The following TAOK1 variants were observed in gnomAD, a reference collection of about 807,000 sequenced individuals.
TAOK1 encodes serine/threonine-protein kinase TAO1.
A neutral mutation model predicts 138.3 loss-of-function variants in TAOK1; 21 were observed. The ratio of observed to expected loss-of-function variants is 0.15; its 90% CI spans 0.11 to 0.22. TAOK1 has a LOEUF of 0.22. Among genes scored for constraint, TAOK1 ranks in the 10% least tolerant of loss-of-function variants. The pLI is 1.00. For synonymous variants in TAOK1, 361 were observed against 398.4 expected (o/e 0.91, Z 1.12); for missense variants, 651 against 1,227.7 (o/e 0.53, Z 7.02).
At chr17:29,411,034 T>C (rs373445156) in intron 1 of TAOK1, among the ~76,000 whole-genome samples, 1 of 152,002 alleles carries the variant, frequency 6.6e-6, no homozygotes, top group East Asian at 1.9e-4. Context: ...TATCTCCTTA[T>C]GTAATATCTG....
chr17:29,525,567 C>T (rs983632708), intron 17 of TAOK1, among the ~76,000 whole-genome samples: 2 of 151,958 alleles, frequency 1.3e-5, no homozygotes, highest in South Asian at 2.1e-4. Context: ...ATCACGCCCT[C>T]GTGTTTTTAG....
intron 2 of TAOK1, among the ~76,000 whole-genome samples, chr17:29,460,741 G>A (rs2030511804): frequency 6.6e-6 from 1 of 152,188 alleles, no homozygotes; most frequent in African/African-American, 2.4e-5. Flanking sequence ...AGGTTGGCAT[G>A]TATCAGAGAT....
At chr17:29,530,979 T>TTTTTTTTTTG (rs2032092142) in intron 18 of TAOK1, among the ~76,000 whole-genome samples, 1 of 145,704 alleles carries the variant, frequency 6.9e-6, no homozygotes, top group Non-Finnish European at 1.5e-5. Flanking sequence ...TTTTTTTTTT[T>TTTTTTTTTTG]GAGACGGAGT....
At position 29,530,500 on chromosome 17, in the gene TAOK1, A is replaced by T; in HGVS notation, c.2242A>T (p.Thr748Ser). Residue 748 changes from threonine to serine, a missense_variant, in exon 18 of 20, where the codon ACA (threonine) becomes TCA (serine). This residue lies in a region of TAOK1 where 258 missense variants were observed against 548.9 expected (regional missense o/e 0.47). Transcript: ENST00000261716. ...ATTAAGAAATCACCTGCTGGAGACT[A>T]CACCAAAGAGTGAGCACAAAGCTGT... ...KALRNHLLETTPKSEHKAVLK... is the reference protein window; with the variant it reads ...KALRNHLLETSPKSEHKAVLK... The T allele has an allele frequency of 6.2e-7, 1 of 1,614,212 alleles. No individual in the cohort carries two copies.
intron 1 of TAOK1, among the ~76,000 whole-genome samples, chr17:29,391,767 C>G (rs1044317283): frequency 6.6e-6 from 1 of 152,200 alleles, no homozygotes; most frequent in African/African-American, 2.4e-5. Flanking sequence ...AGGGACACCT[C>G]TCCTGTTAGA....
At chr17:29,455,821 C>T (rs930062189) in intron 2 of TAOK1, among the ~76,000 whole-genome samples, 2 of 149,920 alleles carry the variant, frequency 1.3e-5, no homozygotes, top group African/African-American at 2.5e-5. Context: ...ATAAATCAAA[C>T]TTCATCACGG....
At chr17:29,476,429 A>G (rs2030942019) in intron 4 of TAOK1, among the ~76,000 whole-genome samples, 1 of 152,192 alleles carries the variant, frequency 6.6e-6, no homozygotes, top group African/African-American at 2.4e-5. Context: ...AAGAAAAAGT[A>G]ACATTAGATG....
At chr17:29,449,146 A>G (rs1356155983) in intron 1 of TAOK1, among the ~76,000 whole-genome samples, 3 of 152,206 alleles carry the variant, frequency 2.0e-5, no homozygotes, top group African/African-American at 7.2e-5. Flanking sequence ...ATTCTTAACT[A>G]CGGTCTTAAG....
rs555585777 is a variant in TAOK1 at position 29,458,856 on chromosome 17, A to G, written c.132+7176A>G. Among the ~76,000 whole-genome samples the G allele has an allele frequency of 1.4e-3, 206 of 151,992 alleles. 1 individual carries two copies. The highest frequency in any genetic ancestry group is 4.7e-3 in the African/African-American group (196 of 41,482). ...ATTATAGGCGTGCGCCACCACGCCC[A>G]GGTAATTTTATTTTATTTTTATTTT... On this transcript the variant is annotated intron_variant, in intron 2 of 19. Coordinates refer to ENST00000261716, the MANE Select transcript of TAOK1 (RefSeq NM_020791.4).
intron 1 of TAOK1, among the ~76,000 whole-genome samples, chr17:29,397,647 T>TGATACATGTATACATGTATAC (rs1384681685): frequency 6.3e-4 from 39 of 61,586 alleles, no homozygotes; most frequent in East Asian, 3.4e-3. Context: ...TACATGTATA[T>TGATACATGTATACATGTATAC]ATGTATATTC....
chr17:29,525,640 C>G (rs747935101), intron 17 of TAOK1, among the ~76,000 whole-genome samples: 1 of 152,194 alleles, frequency 6.6e-6, no homozygotes, highest in Non-Finnish European at 1.5e-5. Flanking sequence ...GGTGATCCAC[C>G]CACCTCAGCT....
chr17:29,391,035 C>T lies in TAOK1; in HGVS notation c.-95+11C>T, dbSNP rs992150700. 6 of 152,228 alleles carry T rather than the reference C, an allele frequency of 3.9e-5. No homozygotes were observed. The highest frequency in any genetic ancestry group is 7.3e-5 in the Non-Finnish European group (5 of 68,246). The allele number at this position is 152,228 out of a possible 1,614,324, so 9.4% of individuals were successfully genotyped here. On this transcript the variant is annotated intron_variant, in intron 1 of 19. Coordinates refer to ENST00000261716, the MANE Select transcript of TAOK1 (RefSeq NM_020791.4). ...CCTGTCGGCGAAAGGGTAAGGGCAC[C>T]TCTGCTTTGGGAAAGGGGGATATAG...
intron 1 of TAOK1, among the ~76,000 whole-genome samples, chr17:29,401,152 T>TTATC (rs1416685663): frequency 6.6e-6 from 1 of 152,120 alleles, no homozygotes; most frequent in African/African-American, 2.4e-5. Flanking sequence ...TGATCTTAAG[T>TTATC]TATCCTCTTG....
Position 29,471,281 on chromosome 17 carries a change from T to C in TAOK1, c.204+4065T>C, listed in dbSNP as rs867103193. ...AATTTTAAAATATTTTCTTTCTTTT[T>C]TTTTTTTTTTTTTTTTTGAGATGAA... is the stretch of plus-strand genomic sequence containing the variant. On this transcript the variant is annotated intron_variant, in intron 3 of 19. Transcript: ENST00000261716. Among the ~76,000 whole-genome samples, 567 of 127,398 alleles carry C rather than the reference T, an allele frequency of 4.5e-3. 1 individual carries two copies. Among genetic ancestry groups the C allele is most frequent in the African/African-American group, 0.016 (527 of 33,146 alleles). The allele number at this position is 127,398 out of a possible 152,430, so 83.6% of individuals were successfully genotyped here. A position where few individuals can be genotyped will look rare whatever the true frequency, so the allele number is the denominator to read the frequency against.
chr17:29,418,029 A>C (rs1905311154), intron 1 of TAOK1, among the ~76,000 whole-genome samples: 1 of 152,106 alleles, frequency 6.6e-6, no homozygotes, highest in Non-Finnish European at 1.5e-5. Context: ...CTGGGATCAC[A>C]GGCGCACACC....
intron 8 of TAOK1, among the ~76,000 whole-genome samples, chr17:29,484,072 ATTG>A (rs1268691962): frequency 2.6e-5 from 4 of 152,168 alleles, no homozygotes; most frequent in Non-Finnish European, 4.4e-5. Context: ...TTGTTGGCTC[ATTG>A]TTGTGCTTAG....
At chr17:29,438,902 T>TA (rs1228360568) in intron 1 of TAOK1, among the ~76,000 whole-genome samples, 2 of 152,186 alleles carry the variant, frequency 1.3e-5, no homozygotes, top group Non-Finnish European at 2.9e-5. Flanking sequence ...ATGTAAAACT[T>TA]ACTGAAAAGT....
chr17:29,420,651 T>C (rs959834093), intron 1 of TAOK1, among the ~76,000 whole-genome samples: 3 of 147,698 alleles, frequency 2.0e-5, no homozygotes, highest in African/African-American at 7.5e-5. Flanking sequence ...AATGGCACGA[T>C]CTCGGGTCAC....
chr17:29,433,598 G>C lies in TAOK1; in HGVS notation c.-94-17857G>C, dbSNP rs1905923828. 2.0e-5 allele frequency among the ~76,000 whole-genome samples: 3 copies of C among 152,116 alleles called. No individual in the cohort carries two copies. In the South Asian group the frequency reaches 6.2e-4, roughly 32 times the overall value. On this transcript the variant is annotated intron_variant, in intron 1 of 19. Coordinates refer to ENST00000261716, the MANE Select transcript of TAOK1 (RefSeq NM_020791.4). ...TGAGTAAAGCAGAGGGTTTTATTGG[G>C]TGAAAAGGGAAAAAAAGGGGAAATA...
Sources: allele counts gnomAD v4.1 joint callset (sites outside exome capture counted in the v4.1 genomes callset), GRCh38; gene constraint gnomAD v4.1.1; regional missense constraint gnomAD v4.1.1; transcripts MANE v1.5; gene names NCBI Gene and HGNC (gene_info 2026-07-23, HGNC 2026-07-21).